The following ABTB2 variants were observed in gnomAD, a reference collection of about 807,000 sequenced individuals.
ABTB2 encodes ankyrin repeat and BTB/POZ domain-containing protein 2.
Under a neutral mutation model 104.1 loss-of-function variants are expected in ABTB2, and 56 were observed. That is an observed-to-expected ratio of 0.54 (90% CI 0.43 to 0.67). The LOEUF (loss-of-function observed/expected upper bound fraction) is 0.67, where lower values mean the gene tolerates loss of function less well. ABTB2 is among the 30% of genes least tolerant of loss of function. ABTB2 has a pLI of 0.00. For missense variants in ABTB2, 1,279 were observed against 1,407.7 expected (o/e 0.91, Z 1.46); for synonymous variants, 606 against 608.2 (o/e 1.00, Z 0.05).
At position 34,164,682 on chromosome 11, in the gene ABTB2, G is replaced by C; in HGVS notation, c.1988+4C>G. The C allele has an allele frequency of 6.6e-7, 1 of 1,504,572 alleles. No individual in the cohort carries two copies. The highest frequency in any genetic ancestry group is 1.4e-5 in the South Asian group (1 of 73,914). 93.2% of individuals were successfully genotyped at this position (1,504,572 alleles called of 1,614,324 possible). A position where few individuals can be genotyped will look rare whatever the true frequency, so the allele number is the denominator to read the frequency against. ...CACACAGGGTGGGAATCCCGGGCAG[G>C]TACCTGTGGCCGTGGGCAGCTGAGT... On this transcript the variant is annotated splice_donor_region_variant and intron_variant, in intron 9 of 16. Coordinates refer to ENST00000435224, the MANE Select transcript of ABTB2 (RefSeq NM_145804.3).
intron 1 of ABTB2, among the ~76,000 whole-genome samples, chr11:34,206,457 CA>C (rs1440786548): frequency 6.6e-6 from 1 of 152,138 alleles, no homozygotes; most frequent in Non-Finnish European, 1.5e-5. Context: ...GGGCTACTGC[CA>C]TTCAGAGACT....
At chr11:34,187,545 T>C (rs1435640982) in intron 3 of ABTB2, among the ~76,000 whole-genome samples, 3 of 150,532 alleles carry the variant, frequency 2.0e-5, no homozygotes, top group Admixed American at 1.3e-4. Flanking sequence ...TTGCCCAGGC[T>C]GAGTGCAGTT....
chr11:34,287,175 T>A (rs1854514964), intron 1 of ABTB2, among the ~76,000 whole-genome samples: 1 of 146,540 alleles, frequency 6.8e-6, no homozygotes, highest in Non-Finnish European at 1.5e-5. Context: ...AGTAAGACCT[T>A]GTCTTTATTG....
Position 34,151,924 on chromosome 11 carries a change from A to T in ABTB2, c.*463T>A, listed in dbSNP as rs1409354813. On this transcript the variant is annotated 3_prime_UTR_variant, in exon 17 of 17. Coordinates refer to ENST00000435224, the MANE Select transcript of ABTB2 (RefSeq NM_145804.3). ...TTAGGAAGAAAAATACCAGCTTTTG[A>T]ATTACTGCAGACGACTGGGGGCCTA... is the stretch of plus-strand genomic sequence containing the variant. 1.3e-5 allele frequency: 2 copies of T among 157,814 alleles called. No individual in the cohort carries two copies. The highest frequency in any genetic ancestry group is 4.8e-5 in the African/African-American group (2 of 41,566). 9.8% of individuals were successfully genotyped at this position (157,814 alleles called of 1,614,324 possible). A position where few individuals can be genotyped will look rare whatever the true frequency, so the allele number is the denominator to read the frequency against.
At chr11:34,183,916 CAAACAAA>C (rs1011443214) in intron 3 of ABTB2, among the ~76,000 whole-genome samples, 7 of 151,966 alleles carry the variant, frequency 4.6e-5, no homozygotes, top group African/African-American at 7.2e-5. Flanking sequence ...AAAACAAAAA[CAAACAAA>C]AAACAAAAAA....
chr11:34,174,267 G>C (rs562450416), intron 3 of ABTB2, among the ~76,000 whole-genome samples: 20 of 148,496 alleles, frequency 1.3e-4, no homozygotes, highest in Middle Eastern at 3.6e-3. Flanking sequence ...GGAGCTTGCA[G>C]TGAGCTGAGA....
Position 34,357,397 on chromosome 11 carries a change from T to C in ABTB2, c.187A>G (p.Ser63Gly). 6 of 1,545,526 alleles carry C rather than the reference T, an allele frequency of 3.9e-6. No homozygotes were observed. Among genetic ancestry groups the C allele is most frequent in the Non-Finnish European group, 4.4e-6 (5 of 1,143,656 alleles). ...ACCGTGTCCCAGCTGTTGTGGCGGC[T>C]GTTCATGGAGCCGGAGTAGCACCAC... ...AWWCYSGSMN[S>G]RHNSWDTVNT... is the part of the protein sequence containing the mutation. The change falls in exon 1 of 17, where the codon AGC becomes GGC. Residue 63 changes from serine to glycine, a missense_variant. By Grantham distance (56) the Ser-to-Gly change is moderately conservative. Transcript: ENST00000435224.
At chr11:34,194,988 T>C (rs1356993054) in intron 3 of ABTB2, among the ~76,000 whole-genome samples, 2 of 149,402 alleles carry the variant, frequency 1.3e-5, no homozygotes, top group East Asian at 3.9e-4. Context: ...ACTCAGATCA[T>C]GAAGAAACCC....
intron 1 of ABTB2, among the ~76,000 whole-genome samples, chr11:34,307,067 A>G (rs1331164010): frequency 2.6e-5 from 4 of 151,874 alleles, no homozygotes; most frequent in Non-Finnish European, 1.5e-5. Flanking sequence ...TGTAGGGTAC[A>G]CTTCCCTGCA....
chr11:34,310,008 G>C (rs546177537), intron 1 of ABTB2, among the ~76,000 whole-genome samples: 16 of 152,284 alleles, frequency 1.1e-4, no homozygotes, highest in Non-Finnish European at 2.1e-4. Flanking sequence ...CAGCGGCCTA[G>C]CGATCACTTG....
In ABTB2 at chr11:34,357,706, G is replaced by T; in HGVS notation, c.-123C>A. On this transcript the variant is annotated 5_prime_UTR_variant, in exon 1 of 17. Transcript: ENST00000435224. ...CCACCCTCCTTCCTCTCTGCGTCGC[G>T]GGGCTCGGCGGCCGCATTGCCTGCC... 8.9e-7 allele frequency: 1 copy of T among 1,125,296 alleles called. No individual in the cohort carries two copies. Among genetic ancestry groups the T allele is most frequent in the Non-Finnish European group, 1.2e-6 (1 of 860,664 alleles). 69.7% of individuals were successfully genotyped at this position (1,125,296 alleles called of 1,614,324 possible).
chr11:34,160,161 G>T, intron 12 of ABTB2, 87 bp downstream of exon 12: 1 of 1,373,162 alleles, frequency 7.3e-7, no homozygotes, highest in Non-Finnish European at 1.0e-6. Context: ...CTTGGAAATG[G>T]AGAAAGATGA....
At chr11:34,223,542 A>C (rs1853651797) in intron 1 of ABTB2, among the ~76,000 whole-genome samples, 1 of 152,052 alleles carries the variant, frequency 6.6e-6, no homozygotes, top group Non-Finnish European at 1.5e-5. Flanking sequence ...GAGCAGACTG[A>C]CCCTATCTCT....
rs56906755 is a variant in ABTB2 at position 34,229,480 on chromosome 11, C to CA, written c.884-24791dup. ...TGGGTGACAGAGTGAGACTCCATCT[C>CA]AAAAAAAAAAAAAAAAGAAAGAAAA... is the stretch of plus-strand genomic sequence containing the variant. On this transcript the variant is annotated intron_variant, in intron 1 of 16. Coordinates refer to ENST00000435224, the MANE Select transcript of ABTB2 (RefSeq NM_145804.3). Among the ~76,000 whole-genome samples, 789 of 86,158 alleles carry CA rather than the reference C, an allele frequency of 9.2e-3. 2 individuals carry two copies. Among genetic ancestry groups the CA allele is most frequent in the Middle Eastern group, 0.017 (2 of 120 alleles). The allele number at this position is 86,158 out of a possible 152,430, so 56.5% of individuals were successfully genotyped here.
intron 1 of ABTB2, among the ~76,000 whole-genome samples, chr11:34,282,449 A>G (rs769752149): frequency 5.3e-5 from 8 of 152,190 alleles, no homozygotes; most frequent in Non-Finnish European, 1.2e-4. Context: ...TAAAGAAAAT[A>G]TCTATATGCA....
chr11:34,298,430 C>T (rs1211106524), intron 1 of ABTB2, among the ~76,000 whole-genome samples: 1 of 148,732 alleles, frequency 6.7e-6, no homozygotes, highest in Non-Finnish European at 1.5e-5. Context: ...TTTTTTAAAC[C>T]AATTACTTTT....
At chr11:34,314,627 T>C (rs1854902689) in intron 1 of ABTB2, among the ~76,000 whole-genome samples, 1 of 152,182 alleles carries the variant, frequency 6.6e-6, no homozygotes, top group Admixed American at 6.5e-5. Context: ...AGGAGGTCAG[T>C]GTCCCCTCAG....
At chr11:34,304,016 T>C (rs958148697) in intron 1 of ABTB2, among the ~76,000 whole-genome samples, 1 of 152,170 alleles carries the variant, frequency 6.6e-6, no homozygotes, top group South Asian at 2.1e-4. Flanking sequence ...ATGGGAAATA[T>C]ACAGAAATAA....
Position 34,162,653 on chromosome 11 carries a change from G to C in ABTB2, c.2141C>G (p.Thr714Ser). The C allele has an allele frequency of 6.2e-7, 1 of 1,613,456 alleles. No homozygotes were observed. The highest frequency in any genetic ancestry group is 8.5e-7 in the Non-Finnish European group (1 of 1,180,014). Residue 714 changes from threonine (T) to serine (S), a missense_variant, in exon 10 of 17, where the codon ACC (threonine) becomes AGC (serine). Coordinates refer to ENST00000435224, the MANE Select transcript of ABTB2 (RefSeq NM_145804.3). ...GTACATGGCCTCCTGTAGGGCCTTG[G>C]TGCGGGTCCGGCTCAGCCGCACGGG... Reference protein sequence around the residue: ...EGPVRLSRTRTKALQEAMYYS... With the variant: ...EGPVRLSRTRSKALQEAMYYS...
Sources: allele counts gnomAD v4.1 joint callset (sites outside exome capture counted in the v4.1 genomes callset), GRCh38; gene constraint gnomAD v4.1.1; transcripts MANE v1.5; gene names NCBI Gene and HGNC (gene_info 2026-07-23, HGNC 2026-07-21).